FAR2: variants seen among roughly 807,000 people sequenced by gnomAD.
FAR2 encodes the protein epididymis secretory protein Li 81.
Under a neutral mutation model 56.0 loss-of-function variants are expected in FAR2, and 19 were observed. The observed-to-expected ratio is 0.34, with a 90% CI of 0.24 to 0.50. The LOEUF is 0.50. Ranked by LOEUF, FAR2 falls within the 20% of genes least tolerant of loss-of-function variation. The pLI is 0.98. For missense variants in FAR2, 508 were observed against 642.2 expected, an observed-to-expected ratio of 0.79 and a Z score of 2.26; for synonymous variants, 219 against 218.8, an observed-to-expected ratio of 1.00 and a Z score of -0.01.
chr12:29,174,709 C>T (rs561422461), intron 1 of FAR2, among the ~76,000 whole-genome samples: 12 of 152,214 alleles, frequency 7.9e-5, no homozygotes, highest in Admixed American at 5.2e-4. Flanking sequence ...CATGAGCCAA[C>T]GCACCCGGCC....
intron 8 of FAR2, among the ~76,000 whole-genome samples, chr12:29,312,586 G>T (rs1009924488): frequency 1.3e-5 from 2 of 152,168 alleles, no homozygotes; most frequent in South Asian, 4.1e-4. Flanking sequence ...GATGATTCTT[G>T]ATGCTTGGTG....
chr12:29,295,608 C>A (rs558641747), intron 3 of FAR2, among the ~76,000 whole-genome samples: 34 of 152,008 alleles, frequency 2.2e-4, no homozygotes, highest in African/African-American at 7.5e-4. Context: ...TATGTTTTCC[C>A]ATTTTATTCA....
intron 4 of FAR2, among the ~76,000 whole-genome samples, chr12:29,307,359 T>C (rs1223068845): frequency 6.6e-6 from 1 of 152,164 alleles, no homozygotes; most frequent in Non-Finnish European, 1.5e-5. Flanking sequence ...TCATTCGTAA[T>C]AAAGTAGTAT....
intron 1 of FAR2, among the ~76,000 whole-genome samples, chr12:29,234,821 A>G (rs563235940): frequency 6.6e-6 from 1 of 152,196 alleles, no homozygotes; most frequent in Admixed American, 6.5e-5. Context: ...AAACCATTTC[A>G]TGATTCTGCC....
At chr12:29,315,750 C>T (rs1949437992) in intron 8 of FAR2, among the ~76,000 whole-genome samples, 2 of 152,086 alleles carry the variant, frequency 1.3e-5, no homozygotes, top group African/African-American at 2.4e-5. Flanking sequence ...ACTGAATTAC[C>T]ATTTGGTTAG....
chr12:29,240,385 T>C (rs1416457090), intron 1 of FAR2, among the ~76,000 whole-genome samples: 3 of 152,140 alleles, frequency 2.0e-5, no homozygotes, highest in African/African-American at 7.2e-5. Flanking sequence ...TCACTACCTG[T>C]CAGGACTCCT....
chr12:29,228,644 G>A (rs1947806125), intron 1 of FAR2, among the ~76,000 whole-genome samples: 1 of 152,146 alleles, frequency 6.6e-6, no homozygotes, highest in Non-Finnish European at 1.5e-5. Context: ...TTGCAGTGCA[G>A]TGGCGCAGTC....
chr12:29,159,335 G>A (rs1949759315), intron 1 of FAR2, among the ~76,000 whole-genome samples: 1 of 151,958 alleles, frequency 6.6e-6, no homozygotes, highest in Non-Finnish European at 1.5e-5. Flanking sequence ...TCAGGAGATC[G>A]AGACCATCCA....
At chr12:29,233,494 A>G (rs1254792812) in intron 1 of FAR2, among the ~76,000 whole-genome samples, 1 of 152,172 alleles carries the variant, frequency 6.6e-6, no homozygotes, top group African/African-American at 2.4e-5. Flanking sequence ...CAAGAAATCT[A>G]TCCAGAGCTC....
At chr12:29,220,933 C>G (rs1396548408) in intron 1 of FAR2, among the ~76,000 whole-genome samples, 2 of 152,162 alleles carry the variant, frequency 1.3e-5, no homozygotes, top group Admixed American at 6.5e-5. Flanking sequence ...CTTCTGGGGT[C>G]TTGTGTCCCT....
chr12:29,236,673 C>T (rs1369416259), intron 1 of FAR2, among the ~76,000 whole-genome samples: 1 of 152,196 alleles, frequency 6.6e-6, no homozygotes, highest in Non-Finnish European at 1.5e-5. Context: ...CCAATCACTT[C>T]CCTGCCTTGG....
intron 3 of FAR2, among the ~76,000 whole-genome samples, chr12:29,293,764 G>T (rs756165552): frequency 6.6e-6 from 1 of 151,942 alleles, no homozygotes; most frequent in South Asian, 2.1e-4. Context: ...TATATTTTTT[G>T]ATATCTATCA....
chr12:29,179,012 A>G (rs955124709), intron 1 of FAR2, among the ~76,000 whole-genome samples: 1 of 152,116 alleles, frequency 6.6e-6, no homozygotes, highest in Admixed American at 6.5e-5. Flanking sequence ...GTAGATGGCC[A>G]TCTTTTTCCT....
intron 1 of FAR2, among the ~76,000 whole-genome samples, chr12:29,154,411 TTTG>T (rs1027681848): frequency 1.4e-5 from 2 of 148,110 alleles, no homozygotes; most frequent in Admixed American, 6.6e-5. Flanking sequence ...TGGTTTTGTT[TTTG>T]TTTTTTTTTT....
At chr12:29,227,939 C>G (rs1156574113) in intron 1 of FAR2, among the ~76,000 whole-genome samples, 1 of 151,236 alleles carries the variant, frequency 6.6e-6, no homozygotes, top group African/African-American at 2.4e-5. Flanking sequence ...AATGAGAACA[C>G]TTGGACACAG....
chr12:29,201,827 C>T (rs1391313651), intron 1 of FAR2, among the ~76,000 whole-genome samples: 1 of 152,080 alleles, frequency 6.6e-6, no homozygotes, highest in African/African-American at 2.4e-5. Flanking sequence ...CACTAGCCAC[C>T]TTTTAAGTGC....
chr12:29,241,672 C>T (rs1214486949), intron 1 of FAR2, among the ~76,000 whole-genome samples: 1 of 152,142 alleles, frequency 6.6e-6, no homozygotes, highest in Non-Finnish European at 1.5e-5. Flanking sequence ...GTAAAATCTC[C>T]CTTCCTTTCC....
intron 2 of FAR2, among the ~76,000 whole-genome samples, chr12:29,290,069 G>A (rs1378712777): frequency 1.3e-5 from 2 of 152,144 alleles, no homozygotes; most frequent in East Asian, 3.8e-4. Flanking sequence ...GGAGCAAAAG[G>A]AACCCTCATA....
Position 29,308,008 on chromosome 12 carries a change from C to T in FAR2, c.723+173C>T, listed in dbSNP as rs1949281511. The T allele has an allele frequency of 1.6e-5, 10 of 618,364 alleles. No individual in the cohort carries two copies. In the East Asian group the frequency reaches 3.1e-4, roughly 19 times the overall value. The allele number at this position is 618,364 out of a possible 1,614,324, so 38.3% of individuals were successfully genotyped here. ...ATTCCACTTTGGGTTCAGGATTTAC[C>T]CAGCATGTGGCTCCTCTGGCAGTTA... On this transcript the variant is annotated intron_variant, in intron 5 of 11. Coordinates refer to ENST00000536681, the MANE Select transcript of FAR2 (RefSeq NM_001271783.2).
Sources: gnomAD v4.1 joint callset for allele counts (sites outside exome capture counted in the v4.1 genomes callset) on GRCh38, gnomAD v4.1.1 for gene constraint, MANE v1.5 for transcripts, NCBI Gene and HGNC (gene_info 2026-07-23, HGNC 2026-07-21) for gene names.